PCDH7: variants seen among roughly 807,000 people sequenced by gnomAD.
The protein encoded by PCDH7 is protocadherin 7.
PCDH7 carries 17 observed loss-of-function variants against 58.9 expected under a neutral mutation model. The observed-to-expected ratio is 0.29, with a 90% CI of 0.20 to 0.43. The LOEUF (loss-of-function observed/expected upper bound fraction) is 0.43. Among genes scored for constraint, PCDH7 ranks in the 20% least tolerant of loss-of-function variants. The probability of loss-of-function intolerance (pLI) is 1.00; values close to 1 mark genes in which losing one functional copy is unlikely to be tolerated. For synonymous variants in PCDH7, 664 were observed against 616.4 expected, an observed-to-expected ratio of 1.08 and a Z score of -1.14; for missense variants, 1,274 against 1,441.0, an observed-to-expected ratio of 0.88 and a Z score of 1.88.
intron 1 of PCDH7, among the ~76,000 whole-genome samples, chr4:30,756,096 CAACA>C (rs1172466529): frequency 6.6e-6 from 1 of 151,958 alleles, no homozygotes; most frequent in African/African-American, 2.4e-5. Context: ...ACCAACCAAC[CAACA>C]AACAAAATAT....
At chr4:30,830,443 C>T (rs1322412167) in intron 1 of PCDH7, among the ~76,000 whole-genome samples, 1 of 151,908 alleles carries the variant, frequency 6.6e-6, no homozygotes, top group East Asian at 1.9e-4. Context: ...TGCATATTTT[C>T]TATTTTATTA....
downstream of PCDH7, chr4:31,143,349 G>C (rs986040353): frequency 6.5e-6 from 1 of 153,232 alleles, no homozygotes; most frequent in Non-Finnish European, 1.5e-5. Context: ...ACCATCAAAG[G>C]CAATCCTTTG....
At chr4:30,900,509 T>C (rs938692689) in intron 1 of PCDH7, among the ~76,000 whole-genome samples, 3 of 152,200 alleles carry the variant, frequency 2.0e-5, no homozygotes, top group Non-Finnish European at 4.4e-5. Flanking sequence ...CCAGGGATTT[T>C]AATTGGGCTA....
At chr4:31,078,638 C>CCTTTTTTT (rs1578735926) in intron 3 of PCDH7, among the ~76,000 whole-genome samples, 2 of 78,858 alleles carry the variant, frequency 2.5e-5, no homozygotes, top group Non-Finnish European at 4.7e-5. Flanking sequence ...AACCATGCCC[C>CCTTTTTTT]ATTTTTTTTT....
Position 30,895,081 on chromosome 4 carries a change from CT to C in PCDH7, c.71-25065del, listed in dbSNP as rs57967671. On this transcript the variant is annotated intron_variant, in intron 1 of 3. Transcript: ENST00000509759. ...TCTTTACGAAATTTTAAATGAATAT[CT>C]TTTTTTATTTATTTAAACAGTTCCA... 5.8e-3 allele frequency among the ~76,000 whole-genome samples: 879 copies of C among 151,204 alleles called. 8 individuals are homozygous for C. Among genetic ancestry groups the C allele is most frequent in the African/African-American group, 0.02 (822 of 41,134 alleles).
intron 1 of PCDH7, among the ~76,000 whole-genome samples, chr4:30,834,028 T>C (rs1345015348): frequency 6.6e-6 from 1 of 152,200 alleles, no homozygotes; most frequent in African/African-American, 2.4e-5. Flanking sequence ...CCCAGAATCT[T>C]TAAAAATGTG....
At chr4:30,824,292 C>T (rs1728831765) in intron 1 of PCDH7, among the ~76,000 whole-genome samples, 1 of 151,798 alleles carries the variant, frequency 6.6e-6, no homozygotes, top group Admixed American at 6.6e-5. Flanking sequence ...GTGTGTTCTC[C>T]CTCCATTCAA....
At chr4:30,924,560 A>G (rs1743601493) in intron 2 of PCDH7, among the ~76,000 whole-genome samples, 1 of 152,150 alleles carries the variant, frequency 6.6e-6, no homozygotes, top group Non-Finnish European at 1.5e-5. Context: ...TTTATTACAT[A>G]AATCAAAGGA....
chr4:30,978,912 G>T (rs1304340767), intron 3 of PCDH7, among the ~76,000 whole-genome samples: 1 of 151,978 alleles, frequency 6.6e-6, no homozygotes, highest in Non-Finnish European at 1.5e-5. Context: ...TGAAGGGGGC[G>T]AGATAAATTA....
intron 3 of PCDH7, among the ~76,000 whole-genome samples, chr4:31,072,421 G>A (rs1326297740): frequency 6.6e-6 from 1 of 152,010 alleles, no homozygotes; most frequent in East Asian, 1.9e-4. Context: ...TTTAATATAA[G>A]CAAACATAAT....
chr4:30,963,738 C>G (rs1327113336), intron 3 of PCDH7, among the ~76,000 whole-genome samples: 1 of 152,104 alleles, frequency 6.6e-6, no homozygotes, highest in Non-Finnish European at 1.5e-5. Flanking sequence ...AAAGAGGAAA[C>G]AGCACAACCA....
At chr4:30,929,403 A>T (rs1744279080) in intron 2 of PCDH7, among the ~76,000 whole-genome samples, 1 of 152,154 alleles carries the variant, frequency 6.6e-6, no homozygotes, top group South Asian at 2.1e-4. Context: ...ATACGCAGGT[A>T]GATTTTTTGG....
At chr4:31,034,533 C>T (rs1755223206) in intron 3 of PCDH7, among the ~76,000 whole-genome samples, 1 of 152,272 alleles carries the variant, frequency 6.6e-6, no homozygotes, top group Admixed American at 6.5e-5. Flanking sequence ...TAAAGCGTAG[C>T]CGCTCAGTAC....
chr4:31,076,991 T>A (rs1459425389), intron 3 of PCDH7, among the ~76,000 whole-genome samples: 1 of 151,800 alleles, frequency 6.6e-6, no homozygotes, highest in Non-Finnish European at 1.5e-5. Context: ...CTTCGGTACA[T>A]CCTATGAGAT....
At chr4:30,729,634 C>T (rs972512810) in intron 1 of PCDH7, among the ~76,000 whole-genome samples, 3 of 151,980 alleles carry the variant, frequency 2.0e-5, no homozygotes, top group Non-Finnish European at 4.4e-5. Context: ...AAACATTCTA[C>T]ACATTATGTA....
chr4:30,772,126 T>C (rs1012469512), intron 1 of PCDH7, among the ~76,000 whole-genome samples: 3 of 152,142 alleles, frequency 2.0e-5, no homozygotes, highest in African/African-American at 7.2e-5. Context: ...CGCCTAAGAC[T>C]CCAAAAGTGC....
intron 1 of PCDH7, among the ~76,000 whole-genome samples, chr4:30,844,152 G>C (rs1393983757): frequency 1.3e-5 from 2 of 152,028 alleles, no homozygotes; most frequent in East Asian, 1.9e-4. Flanking sequence ...TGCTTCACAA[G>C]CACTATGTTC....
chr4:30,910,834 T>C (rs1268403782), intron 1 of PCDH7, among the ~76,000 whole-genome samples: 1 of 152,176 alleles, frequency 6.6e-6, no homozygotes, highest in Non-Finnish European at 1.5e-5. Context: ...TTATAAATCA[T>C]GCTACTATAA....
At chr4:30,779,128 CT>C (rs773696880) in intron 1 of PCDH7, among the ~76,000 whole-genome samples, 1 of 145,908 alleles carries the variant, frequency 6.9e-6, no homozygotes, top group Non-Finnish European at 1.5e-5. Flanking sequence ...TGAAGCGATT[CT>C]CCTGCCTCAG....
Sources: gnomAD v4.1 joint callset for allele counts (sites outside exome capture counted in the v4.1 genomes callset) on GRCh38, gnomAD v4.1.1 for gene constraint, MANE v1.5 for transcripts, NCBI Gene and HGNC (gene_info 2026-07-23, HGNC 2026-07-21) for gene names.